SI: variants seen among roughly 807,000 people sequenced by gnomAD.
SI encodes the protein sucrase-isomaltase, also known as sucrase-isomaltase, intestinal.
SI carries 235 observed loss-of-function variants against 253.3 expected under a neutral mutation model. The ratio of observed to expected loss-of-function variants is 0.93; its 90% confidence interval spans 0.83 to 1.03. SI has a LOEUF of 1.03. Ranked by LOEUF, SI falls within the 50% of genes least tolerant of loss-of-function variation. SI has a pLI of 0.00. For missense variants in SI, 2,442 were observed against 2,211.1 expected (o/e 1.10, Z -2.09); for synonymous variants, 819 against 712.0 (o/e 1.15, Z -2.39).
chr3:165,021,816 C>T (rs763277639), intron 26 of SI, among the ~76,000 whole-genome samples: 15 of 151,352 alleles, frequency 9.9e-5, no homozygotes, highest in Non-Finnish European at 2.1e-4. Flanking sequence ...TCTTAAATAC[C>T]ACTAGGGTCT....
At chr3:165,021,903 C>T (rs1255471837) in intron 26 of SI, among the ~76,000 whole-genome samples, 1 of 151,470 alleles carries the variant, frequency 6.6e-6, no homozygotes, top group Non-Finnish European at 1.5e-5. Flanking sequence ...GATTAATATT[C>T]TCACCAAAAT....
intron 3 of SI, among the ~76,000 whole-genome samples, chr3:165,071,408 T>C (rs1714567120): frequency 2.0e-5 from 3 of 151,652 alleles, no homozygotes; most frequent in African/African-American, 7.2e-5. Context: ...TCTGACACAG[T>C]TAAACTCTAG....
intron 8 of SI, 51 bp from the exon 9 acceptor site, chr3:165,062,534 G>A: frequency 2.3e-6 from 2 of 877,494 alleles, no homozygotes; most frequent in Non-Finnish European, 3.9e-6. Context: ...AAGGATTATA[G>A]TAATTAATTG....
At chr3:165,032,274 A>T (rs1168326156) in intron 24 of SI, among the ~76,000 whole-genome samples, 1 of 151,294 alleles carries the variant, frequency 6.6e-6, no homozygotes, top group Non-Finnish European at 1.5e-5. Context: ...AATGCATGAG[A>T]AAATGAAATA....
chr3:165,020,189 A>G (rs1711525153), intron 27 of SI, among the ~76,000 whole-genome samples: 1 of 151,728 alleles, frequency 6.6e-6, no homozygotes, highest in African/African-American at 2.4e-5. Context: ...TCAATATTAT[A>G]ATGAATTTTA....
rs745523546 is a variant in SI, at chr3:165,023,636, A to G, written c.3033T>C (p.Pro1011=). 1.2e-6 allele frequency: 2 copies of G among 1,611,000 alleles called. No individual in the cohort carries two copies. Among genetic ancestry groups the G allele is most frequent in the Non-Finnish European group, 1.7e-6 (2 of 1,178,008 alleles). The change falls in exon 26 of 48, where the codon CCT becomes CCC. Residue 1011 remains proline (P), a synonymous_variant. Transcript: ENST00000264382. ...CACGAAGAGTTGAGATGGGGTCAGA[A>G]GGTAACTTTATTCTGGCATTTGCAG... is the stretch of plus-strand genomic sequence containing the variant. ...LNTANARIKL[P]SDPISTLRVE...
intron 9 of SI, 23 bp downstream of exon 9, chr3:165,062,348 T>C (rs1714027944): frequency 8.1e-7 from 1 of 1,235,494 alleles, no homozygotes; most frequent in Non-Finnish European, 1.2e-6. Context: ...GAAAAAATTT[T>C]ATAAAATAGA....
chr3:165,070,611 C>T (rs928486066), intron 3 of SI, among the ~76,000 whole-genome samples: 5 of 151,586 alleles, frequency 3.3e-5, no homozygotes, highest in African/African-American at 1.2e-4. Context: ...GTATATAAAA[C>T]TCTAAATACA....
chr3:165,011,844 C>T (rs953653227), intron 34 of SI, among the ~76,000 whole-genome samples: 2 of 150,732 alleles, frequency 1.3e-5, no homozygotes, highest in African/African-American at 4.9e-5. Context: ...CTTCAAACAG[C>T]ATTGCTGTTT....
At chr3:164,980,176 A>G (rs555318967) in intron 47 of SI, among the ~76,000 whole-genome samples, 1 of 151,880 alleles carries the variant, frequency 6.6e-6, no homozygotes, top group African/African-American at 2.4e-5. Flanking sequence ...TCTTTTCATA[A>G]GGGCTTTATA....
chr3:164,980,433 T>G (rs1717125730), intron 47 of SI, among the ~76,000 whole-genome samples: 1 of 151,904 alleles, frequency 6.6e-6, no homozygotes, highest in African/African-American at 2.4e-5. Context: ...CTTTTGAAAT[T>G]ATATTGCTAG....
At position 165,059,079 on chromosome 3, in the gene SI, G is replaced by T; in HGVS notation, c.1282C>A (p.Pro428Thr). Residue 428 changes from proline (P) to threonine (T), a missense_variant, in exon 12 of 48, where the codon CCT becomes ACT. Transcript: ENST00000264382. ...GCACGTCGACCTATGGAAATTGCAG[G>T]GTCCTAATAATAGAAAGCAGAAACT... ...HGQKYVIILD[P>T]AISIGRRANG... The T allele has an allele frequency of 6.2e-7, 1 of 1,612,012 alleles. No homozygotes were observed. The highest frequency in any genetic ancestry group is 8.5e-7 in the Non-Finnish European group (1 of 1,179,092).
At chr3:165,028,500 G>T (rs1265991267) in intron 25 of SI, among the ~76,000 whole-genome samples, 2 of 151,272 alleles carry the variant, frequency 1.3e-5, no homozygotes, top group Non-Finnish European at 3.0e-5. Context: ...TAAGCAAAAA[G>T]AACAAATCTG....
chr3:165,010,234 A>ACTGCAACCTCTGT (rs1718708657), intron 34 of SI, among the ~76,000 whole-genome samples: 1 of 152,040 alleles, frequency 6.6e-6, no homozygotes, highest in African/African-American at 2.4e-5. Flanking sequence ...ACCTCGGCTC[A>ACTGCAACCTCTGT]CTGCAACCTC....
At chr3:165,017,699 T>A (rs1719104877) in intron 30 of SI, 26 bp from the exon 31 acceptor site, 4 of 1,609,670 alleles carry the variant, frequency 2.5e-6, no homozygotes, top group Admixed American at 3.3e-5. Context: ...ATGTGTGAAC[T>A]AAGAGAATTA....
Position 165,017,821 on chromosome 3 carries a change from G to T in SI, c.3573C>A (p.Ile1191=). The change falls in exon 30 of 48, where the codon ATC becomes ATA. Residue 1191 remains isoleucine, a synonymous_variant. Transcript: ENST00000264382. The stretch of plus-strand genomic sequence containing the variant: ...GGCCCAAAAACATATAAAAATCCAA[G>T]ATCCCTCCAACTGTACGGTAAGTTA... ...PALTYRTVGG[I]LDFYMFLGPT... The T allele has an allele frequency of 6.2e-7, 1 of 1,613,076 alleles. No individual in the cohort carries two copies. Among genetic ancestry groups the T allele is most frequent in the Non-Finnish European group, 8.5e-7 (1 of 1,179,358 alleles).
chr3:165,052,866 T>A (rs927885295), intron 13 of SI, among the ~76,000 whole-genome samples: 6 of 152,084 alleles, frequency 3.9e-5, no homozygotes, highest in Non-Finnish European at 8.8e-5. Flanking sequence ...TATAACCAAA[T>A]AAGCTTCTAG....
Position 165,017,540 on chromosome 3 carries a change from A to G in SI, c.3759+8T>C, listed in dbSNP as rs772702834. ...TATTTAACATTGTTTTAAAATTGAT[A>G]TACATACATAGGGGATGTTAGCAGC... On this transcript the variant is annotated splice_region_variant and intron_variant, in intron 31 of 47. Coordinates refer to ENST00000264382, the MANE Select transcript of SI (RefSeq NM_001041.4). 9 of 1,609,934 alleles carry G rather than the reference A, an allele frequency of 5.6e-6. No individual in the cohort carries two copies. Among genetic ancestry groups the G allele is most frequent in the South Asian group, 3.3e-5 (3 of 90,958 alleles).
chr3:165,017,379 C>G (rs369292355), intron 31 of SI, among the ~76,000 whole-genome samples, 169 bp downstream of exon 31: 1 of 151,890 alleles, frequency 6.6e-6, no homozygotes, highest in South Asian at 2.1e-4. Context: ...TCTCCTTTAT[C>G]AGTCTGACAA....
Sources: gnomAD v4.1 joint callset for allele counts (sites outside exome capture counted in the v4.1 genomes callset) on GRCh38, gnomAD v4.1.1 for gene constraint, MANE v1.5 for transcripts, NCBI Gene and HGNC (gene_info 2026-07-23, HGNC 2026-07-21) for gene names.